The following DNAH8 variants were observed in gnomAD, a reference collection of about 807,000 sequenced individuals.
DNAH8 encodes the protein dynein axonemal heavy chain 8.
A neutral mutation model predicts 562.1 loss-of-function variants in DNAH8; 382 were observed. The ratio of observed to expected loss-of-function variants is 0.68; its 90% CI spans 0.63 to 0.74. DNAH8 has a LOEUF of 0.74. Among genes scored for constraint, DNAH8 ranks in the 30% least tolerant of loss-of-function variants. The pLI is 0.00. For synonymous variants in DNAH8, 1,881 were observed against 1,919.4 expected, an observed-to-expected ratio of 0.98 and a Z score of 0.52; for missense variants, 5,203 against 5,620.4, an observed-to-expected ratio of 0.93 and a Z score of 2.37.
chr6:38,752,462 C>T (rs1765550272), intron 9 of DNAH8, among the ~76,000 whole-genome samples: 1 of 152,264 alleles, frequency 6.6e-6, no homozygotes, highest in African/African-American at 2.4e-5. Flanking sequence ...TCGGGCCCAA[C>T]ACTTTCAAAT....
intron 27 of DNAH8, 60 bp downstream of exon 27, chr6:38,823,094 G>A: frequency 7.0e-7 from 1 of 1,428,678 alleles, no homozygotes; most frequent in Non-Finnish European, 9.4e-7. Flanking sequence ...TCTTGAGGGT[G>A]GACCAGGAAA....
At chr6:38,927,342 C>T (rs1782200382) in intron 74 of DNAH8, among the ~76,000 whole-genome samples, 1 of 152,178 alleles carries the variant, frequency 6.6e-6, no homozygotes, top group Admixed American at 6.5e-5. Flanking sequence ...GAGATCAGTG[C>T]TTCTCATCCA....
At chr6:38,948,823 C>G (rs922867552) in intron 80 of DNAH8, among the ~76,000 whole-genome samples, 1 of 152,142 alleles carries the variant, frequency 6.6e-6, no homozygotes, top group Admixed American at 6.5e-5. Flanking sequence ...TATTTAAGAC[C>G]AGCTGTTGGA....
chr6:38,995,836 C>T (rs1765100399), intron 88 of DNAH8, among the ~76,000 whole-genome samples: 1 of 152,170 alleles, frequency 6.6e-6, no homozygotes, highest in Non-Finnish European at 1.5e-5. Context: ...TCGTGCCTCT[C>T]CTAAAGGAAT....
intron 37 of DNAH8, among the ~76,000 whole-genome samples, chr6:38,850,024 G>T (rs62396407): frequency 6.6e-6 from 1 of 152,072 alleles, no homozygotes; most frequent in Non-Finnish European, 1.5e-5. Flanking sequence ...AAACAAATAA[G>T]CAATAAGCCT....
chr6:38,789,785 C>T lies in DNAH8; in HGVS notation c.2584-18C>T. 6.4e-7 allele frequency: 1 copy of T among 1,555,926 alleles called. No homozygotes were observed. The highest frequency in any genetic ancestry group is 2.3e-5 in the East Asian group (1 of 44,236). ...TAAAATGAATTAAAATAAAACATGCCATTTCAACTTCCTACAGGGTCTTCT... is the reference window on the plus strand; with the variant it reads ...TAAAATGAATTAAAATAAAACATGCTATTTCAACTTCCTACAGGGTCTTCT... On this transcript the variant is annotated intron_variant, in intron 18 of 92. Coordinates refer to ENST00000327475, the MANE Select transcript of DNAH8 (RefSeq NM_001206927.2).
chr6:38,984,844 C>G (rs1393313611), intron 87 of DNAH8, among the ~76,000 whole-genome samples: 1 of 152,128 alleles, frequency 6.6e-6, no homozygotes, highest in Non-Finnish European at 1.5e-5. Context: ...TGGTGCAGAG[C>G]AGAGCAGTGG....
chr6:38,851,168 T>A (rs1775710783), intron 38 of DNAH8, among the ~76,000 whole-genome samples: 1 of 152,196 alleles, frequency 6.6e-6, no homozygotes, highest in African/African-American at 2.4e-5. Context: ...TGATAATACA[T>A]CCTGGTTTGT....
rs145036630 is a variant in DNAH8 at position 38,852,772 on chromosome 6, A to T, written c.5545A>T (p.Ile1849Leu). The T allele has an allele frequency of 9.6e-4, 1,556 of 1,613,258 alleles. 3 individuals are homozygous for T. Among genetic ancestry groups the T allele is most frequent in the Non-Finnish European group, 1.2e-3 (1,460 of 1,179,552 alleles). The change falls in exon 40 of 93, where the codon ATA (isoleucine) becomes TTA (leucine). Residue 1849 changes from isoleucine (I) to leucine (L), a missense_variant. By Grantham distance (5) the Ile-to-Leu change is conservative. This residue lies in a region of DNAH8 where 2,176 missense variants were observed against 2,365.1 expected (regional missense o/e 0.92). Coordinates refer to ENST00000327475, the MANE Select transcript of DNAH8 (RefSeq NM_001206927.2). Reference protein sequence around the residue: ...AKDYDRIMAVISREGEKIVLD... With the variant: ...AKDYDRIMAVLSREGEKIVLD... The stretch of plus-strand genomic sequence containing the variant: ...AGACTATGATCGCATCATGGCCGTC[A>T]TATCAAGAGAAGGAGAAAAAATTGT...
At chr6:38,887,920 G>A (rs547036104) in intron 57 of DNAH8, among the ~76,000 whole-genome samples, 2 of 134,634 alleles carry the variant, frequency 1.5e-5, no homozygotes, top group African/African-American at 5.6e-5. Flanking sequence ...CACTGCAACC[G>A]CTGACTCCTG....
chr6:38,878,143 G>T (rs1034613607), intron 53 of DNAH8, among the ~76,000 whole-genome samples: 1 of 152,172 alleles, frequency 6.6e-6, no homozygotes, highest in African/African-American at 2.4e-5. Context: ...TACTAAAGGT[G>T]TCAATATTTT....
intron 8 of DNAH8, among the ~76,000 whole-genome samples, chr6:38,747,622 T>G (rs1765068135): frequency 6.6e-6 from 1 of 152,168 alleles, no homozygotes; most frequent in Non-Finnish European, 1.5e-5. Context: ...CCTGACCTCG[T>G]GATCTGCCCG....
chr6:39,014,083 T>C (rs1458651619), intron 91 of DNAH8, among the ~76,000 whole-genome samples: 1 of 152,236 alleles, frequency 6.6e-6, no homozygotes, highest in Non-Finnish European at 1.5e-5. Flanking sequence ...GTCCTTTGTA[T>C]ACATACATTC....
chr6:39,021,875 T>G (rs1016170411), intron 91 of DNAH8, among the ~76,000 whole-genome samples: 3 of 152,256 alleles, frequency 2.0e-5, no homozygotes, highest in Non-Finnish European at 4.4e-5. Context: ...AAGAGCAATC[T>G]TCCTGATTAG....
At chr6:38,801,844 G>A (rs947556427) in intron 21 of DNAH8, among the ~76,000 whole-genome samples, 8 of 152,218 alleles carry the variant, frequency 5.3e-5, no homozygotes, top group Admixed American at 6.5e-5. Flanking sequence ...AAAACATGGG[G>A]AATATGGGAC....
chr6:38,862,527 A>G, intron 44 of DNAH8, 69 bp downstream of exon 44: 2 of 1,508,916 alleles, frequency 1.3e-6, no homozygotes, highest in Non-Finnish European at 1.8e-6. Flanking sequence ...TTATTTTCTG[A>G]TATAAATCCA....
At chr6:38,722,698 C>A in intron 1 of DNAH8, 78 bp from the exon 2 acceptor site, 1 of 1,192,032 alleles carries the variant, frequency 8.4e-7, no homozygotes, top group Non-Finnish European at 1.1e-6. Context: ...TGCTACTTGT[C>A]TAGCTAAAAG....
Position 38,882,963 on chromosome 6 carries a change from A to G in DNAH8, c.7912A>G (p.Ser2638Gly). ...TCAGCCTTATTATTATCCAACTGAC[A>G]GTATTCCGGAATATTCATCAATTTT... ...KLQPYYYPTD[S>G]IPEYSSILVP... The change falls in exon 54 of 93, where the codon AGT (serine) becomes GGT (glycine). Residue 2638 changes from serine to glycine, a missense_variant. By Grantham distance (56) the Ser-to-Gly change is moderately conservative (BLOSUM62 0). Around this residue, in one of 6 missense-constraint regions of DNAH8, gnomAD observed 977 missense variants for 1,061.8 expected, o/e 0.92. Coordinates refer to ENST00000327475, the MANE Select transcript of DNAH8 (RefSeq NM_001206927.2). 1 of 1,606,060 alleles carries G rather than the reference A, an allele frequency of 6.2e-7. No individual in the cohort carries two copies. The highest frequency in any genetic ancestry group is 2.2e-5 in the East Asian group (1 of 44,470).
rs528178761 is a variant in DNAH8 at position 39,016,443 on chromosome 6, C to T, written c.13714+3806C>T. Among the ~76,000 whole-genome samples, 315 of 151,160 alleles carry T rather than the reference C, an allele frequency of 2.1e-3. 1 individual carries two copies. The highest frequency in any genetic ancestry group is 6.7e-3 in the African/African-American group (277 of 41,160). Reference sequence around the variant, plus strand: ...GTGGGTGCCTGTAGTCCCAGCTACTCGGGAGGCTGAGGCAGGAGAATGGCG... The same window carrying T: ...GTGGGTGCCTGTAGTCCCAGCTACTTGGGAGGCTGAGGCAGGAGAATGGCG... On this transcript the variant is annotated intron_variant, in intron 91 of 92. Transcript: ENST00000327475.
Sources: allele counts gnomAD v4.1 joint callset (sites outside exome capture counted in the v4.1 genomes callset), GRCh38; gene constraint gnomAD v4.1.1; regional missense constraint gnomAD v4.1.1; transcripts MANE v1.5; gene names NCBI Gene and HGNC (gene_info 2026-07-23, HGNC 2026-07-21).